The following SPAG17 variants were observed in gnomAD, a reference collection of about 807,000 sequenced individuals.
SPAG17 encodes sperm-associated antigen 17.
SPAG17 carries 169 observed loss-of-function variants against 273.6 expected under a neutral mutation model. The observed-to-expected ratio is 0.62, with a 90% CI of 0.55 to 0.70. The LOEUF is 0.70. Among genes scored for constraint, SPAG17 ranks in the 30% least tolerant of loss-of-function variants. The pLI, the probability that SPAG17 is intolerant of heterozygous loss-of-function variation, is 0.00. For missense variants in SPAG17, 2,557 were observed against 2,627.8 expected, an observed-to-expected ratio of 0.97 and a Z score of 0.59; for synonymous variants, 825 against 873.2, an observed-to-expected ratio of 0.94 and a Z score of 0.97.
intron 47 of SPAG17, chr1:117,965,421 A>T (rs972940212): frequency 3.3e-5 from 5 of 152,152 alleles, no homozygotes; most frequent in African/African-American, 9.7e-5. Context: ...TATATCTCCA[A>T]TTCTGACTTC....
intron 20 of SPAG17, among the ~76,000 whole-genome samples, chr1:118,044,509 AT>A (rs1370542135): frequency 6.6e-6 from 1 of 152,192 alleles, no homozygotes; most frequent in Non-Finnish European, 1.5e-5. Context: ...TAAACTGTCC[AT>A]AAAAGAATGA....
chr1:117,997,664 T>G (rs183251532), intron 32 of SPAG17, among the ~76,000 whole-genome samples: 1 of 152,154 alleles, frequency 6.6e-6, no homozygotes, highest in African/African-American at 2.4e-5. Flanking sequence ...ATTTTAGAGT[T>G]TGAGTTTGCA....
intron 3 of SPAG17, among the ~76,000 whole-genome samples, chr1:118,140,606 C>G (rs1193589457): frequency 1.3e-5 from 2 of 152,162 alleles, no homozygotes; most frequent in Non-Finnish European, 2.9e-5. Context: ...CCCCTCACAT[C>G]TCACAAGGGC....
intron 43 of SPAG17, among the ~76,000 whole-genome samples, chr1:117,974,388 G>A (rs1379601717): frequency 6.6e-6 from 1 of 151,890 alleles, no homozygotes; most frequent in Non-Finnish European, 1.5e-5. Context: ...TAATAAATGA[G>A]AAAAATAAGA....
Position 117,994,504 on chromosome 1 carries a change from G to T in SPAG17, c.5080C>A (p.Pro1694Thr). Residue 1694 changes from proline (P) to threonine (T), a missense_variant, in exon 35 of 49, where the codon CCT (proline) becomes ACT (threonine). By Grantham distance (38) the Pro-to-Thr change is conservative. Transcript: ENST00000336338. ...TGCCATGGTGATGCTTCATGGAAAG[G>T]GCGAAGGACTGTGATGGTTAGGGTG... Reference protein sequence around the residue: ...PGTLTITVLRPFHEASPWQVK... With the variant: ...PGTLTITVLRTFHEASPWQVK... 6.2e-7 allele frequency: 1 copy of T among 1,612,312 alleles called. No individual in the cohort carries two copies. Among genetic ancestry groups the T allele is most frequent in the Non-Finnish European group, 8.5e-7 (1 of 1,178,952 alleles).
intron 12 of SPAG17, 69 bp downstream of exon 12, chr1:118,086,602 T>C: frequency 5.3e-6 from 7 of 1,330,028 alleles, no homozygotes; most frequent in Non-Finnish European, 7.5e-6. Context: ...AATTAGCTTC[T>C]TTCAACTGAA....
At chr1:117,974,320 TG>T (rs912728523) in intron 43 of SPAG17, among the ~76,000 whole-genome samples, 5 of 152,218 alleles carry the variant, frequency 3.3e-5, no homozygotes, top group Admixed American at 6.5e-5. Context: ...GACCTAATAC[TG>T]GTCCTCACAA....
intron 1 of SPAG17, among the ~76,000 whole-genome samples, chr1:118,160,195 C>T (rs1419858362): frequency 6.6e-6 from 1 of 152,202 alleles, no homozygotes; most frequent in Non-Finnish European, 1.5e-5. Context: ...TACAACCTTT[C>T]ATCAACTCCT....
intron 24 of SPAG17, among the ~76,000 whole-genome samples, chr1:118,036,011 A>G (rs1357216718): frequency 6.6e-6 from 1 of 152,114 alleles, no homozygotes; most frequent in Non-Finnish European, 1.5e-5. Flanking sequence ...TGGGAAACAT[A>G]GTAAGACTTC....
chr1:118,085,267 C>A (rs970462627), intron 13 of SPAG17, among the ~76,000 whole-genome samples: 1 of 152,032 alleles, frequency 6.6e-6, no homozygotes, highest in African/African-American at 2.4e-5. Context: ...AAGAAAAATT[C>A]TTCTGGAACC....
chr1:117,968,032 G>A (rs1654071436), intron 46 of SPAG17, among the ~76,000 whole-genome samples: 1 of 152,162 alleles, frequency 6.6e-6, no homozygotes, highest in Admixed American at 6.5e-5. Context: ...TCTCCTCCAA[G>A]TCCAGCAGTT....
chr1:118,077,213 A>G (rs986641765), intron 15 of SPAG17, among the ~76,000 whole-genome samples: 1 of 152,128 alleles, frequency 6.6e-6, no homozygotes, highest in African/African-American at 2.4e-5. Context: ...TGTAAAATCA[A>G]CAACATCAAC....
Position 117,973,574 on chromosome 1 carries a change from A to T in SPAG17, c.6005-13T>A. The T allele has an allele frequency of 2.5e-6, 4 of 1,612,034 alleles. No homozygotes were observed. The highest frequency in any genetic ancestry group is 3.4e-6 in the Non-Finnish European group (4 of 1,178,666). On this transcript the variant is annotated splice_polypyrimidine_tract_variant and intron_variant, in intron 43 of 48. Transcript: ENST00000336338. ...TAAGATTCTGCTTCTGTTAGAGAGA[A>T]AGCTTAAATTATGCCACATGGACAT...
chr1:118,064,136 T>A (rs1463403885), intron 18 of SPAG17, among the ~76,000 whole-genome samples: 1 of 152,210 alleles, frequency 6.6e-6, no homozygotes, highest in Non-Finnish European at 1.5e-5. Context: ...ACACTGTTGC[T>A]GGAACTGTAA....
chr1:117,973,984 A>G (rs1158573878), intron 43 of SPAG17, among the ~76,000 whole-genome samples: 1 of 152,202 alleles, frequency 6.6e-6, no homozygotes, highest in East Asian at 1.9e-4. Context: ...ATGTTGGTGC[A>G]AAGAACATGA....
At chr1:118,157,437 A>G (rs1659709178) in intron 1 of SPAG17, among the ~76,000 whole-genome samples, 1 of 152,118 alleles carries the variant, frequency 6.6e-6, no homozygotes, top group African/African-American at 2.4e-5. Flanking sequence ...GCTCTATGAA[A>G]AGCAGGTGAC....
chr1:118,049,550 GTAGA>G (rs1054534297), intron 20 of SPAG17, among the ~76,000 whole-genome samples: 20 of 152,238 alleles, frequency 1.3e-4, no homozygotes, highest in Admixed American at 5.2e-4. Flanking sequence ...TCTCAACAAA[GTAGA>G]TAAAGAGGAA....
chr1:118,114,283 A>C (rs1401693675), intron 4 of SPAG17, among the ~76,000 whole-genome samples: 1 of 152,192 alleles, frequency 6.6e-6, no homozygotes, highest in African/African-American at 2.4e-5. Context: ...TTCTAGGCAC[A>C]ATATGTACCA....
intron 46 of SPAG17, among the ~76,000 whole-genome samples, chr1:117,967,193 T>C (rs1324173062): frequency 6.6e-6 from 1 of 151,182 alleles, no homozygotes; most frequent in Non-Finnish European, 1.5e-5. Flanking sequence ...GCAGGAGAAT[T>C]GCTTGAACGC....
Sources: gnomAD v4.1 joint callset for allele counts (sites outside exome capture counted in the v4.1 genomes callset) on GRCh38, gnomAD v4.1.1 for gene constraint, MANE v1.5 for transcripts, NCBI Gene and HGNC (gene_info 2026-07-23, HGNC 2026-07-21) for gene names.